Variants in MGAT5 observed in about 807,000 individuals in gnomAD.
MGAT5 encodes alpha-1,6-mannosylglycoprotein 6-beta-N-acetylglucosaminyltransferase.
In MGAT5, 30 loss-of-function variants were observed where a neutral mutation model predicts 94.3. The ratio of observed to expected loss-of-function variants is 0.32; its 90% CI spans 0.24 to 0.43. The LOEUF (loss-of-function observed/expected upper bound fraction) is 0.43, where lower values mean the gene tolerates loss of function less well. MGAT5 is among the 20% of genes least tolerant of loss of function. MGAT5 has a pLI of 1.00. For synonymous variants in MGAT5, 310 were observed against 322.9 expected, an observed-to-expected ratio of 0.96 and a Z score of 0.43; for missense variants, 691 against 905.5, an observed-to-expected ratio of 0.76 and a Z score of 3.04.
chr2:134,346,450 G>A (rs1688929567), intron 8 of MGAT5, among the ~76,000 whole-genome samples: 1 of 152,034 alleles, frequency 6.6e-6, no homozygotes, highest in Non-Finnish European at 1.5e-5. Context: ...GTCTGTTAGT[G>A]CTTTAGCTCT....
At chr2:134,260,702 C>CTTTTT (rs3838494) in intron 1 of MGAT5, among the ~76,000 whole-genome samples, 13 of 127,020 alleles carry the variant, frequency 1.0e-4, no homozygotes, top group South Asian at 2.5e-4. Flanking sequence ...TTTTCTTTTT[C>CTTTTT]TTTTTTTTTT....
chr2:134,390,744 C>G (rs547762022), intron 10 of MGAT5, among the ~76,000 whole-genome samples: 1 of 152,142 alleles, frequency 6.6e-6, no homozygotes, highest in African/African-American at 2.4e-5. Flanking sequence ...CTAACCCTCC[C>G]GCCCCCAAAT....
In MGAT5 at chr2:134,357,905, A is replaced by G. The variant is rs1436120414; in HGVS notation, c.1247-4370A>G. ...AAAAAAAAAAATCAGTTTTTGTAAA[A>G]TTTGAAGCATAACATTACTATGTAT... On this transcript the variant is annotated intron_variant, in intron 9 of 15. Transcript: ENST00000281923. 2.6e-5 allele frequency among the ~76,000 whole-genome samples: 4 copies of G among 152,272 alleles called. No homozygotes were observed. In the South Asian group the frequency reaches 8.3e-4, roughly 32 times the overall value.
At chr2:134,335,517 T>C (rs1688279913) in intron 4 of MGAT5, among the ~76,000 whole-genome samples, 1 of 152,156 alleles carries the variant, frequency 6.6e-6, no homozygotes, top group Admixed American at 6.6e-5. Context: ...TCTTTTTTCC[T>C]TTCTCTTTCC....
upstream of MGAT5, among the ~76,000 whole-genome samples, chr2:134,252,650 C>T (rs192931338): frequency 3.3e-3 from 505 of 152,218 alleles, 1 homozygote; most frequent in African/African-American, 0.011. Context: ...TGGAGAACCA[C>T]TGGTCTAGAA....
chr2:134,386,543 C>T (rs540648185), intron 10 of MGAT5, among the ~76,000 whole-genome samples: 1 of 152,344 alleles, frequency 6.6e-6, no homozygotes, highest in South Asian at 2.1e-4. Flanking sequence ...TTAGTAATTG[C>T]ATCTGCCCTC....
intron 10 of MGAT5, among the ~76,000 whole-genome samples, chr2:134,395,384 A>G (rs930893001): frequency 5.3e-5 from 8 of 152,172 alleles, no homozygotes; most frequent in African/African-American, 1.9e-4. Flanking sequence ...AAGTGCTGGA[A>G]AATAGAGACC....
In MGAT5 at chr2:134,381,394, A is replaced by ATAAGATAAGATAAGATAGAT. The variant is rs1558841846; in HGVS notation, c.1380+18988_1380+18989insAGATAAGATAAGATAGATTA. Among the ~76,000 whole-genome samples the ATAAGATAAGATAAGATAGAT allele has an allele frequency of 1.9e-4, 20 of 107,590 alleles. No individual in the cohort carries two copies. In the East Asian group the frequency reaches 2.3e-3, roughly 12 times the overall value. 70.6% of individuals were successfully genotyped at this position (107,590 alleles called of 152,430 possible). A position where few individuals can be genotyped will look rare whatever the true frequency, so the allele number is the denominator to read the frequency against. On this transcript the variant is annotated intron_variant, in intron 10 of 15. Coordinates refer to ENST00000281923, the MANE Select transcript of MGAT5 (RefSeq NM_002410.5). ...AAGATAAGATAGATTAGATAGATAGATAGATAGATAGATAGATAGATAGAT... is the reference window on the plus strand; with the variant it reads ...AAGATAAGATAGATTAGATAGATAGATAAGATAAGATAAGATAGATTAGATAGATAGATAGATAGATAGAT...
At chr2:134,256,096 C>T (rs992750973) in intron 1 of MGAT5, among the ~76,000 whole-genome samples, 5 of 152,236 alleles carry the variant, frequency 3.3e-5, no homozygotes, top group African/African-American at 4.8e-5. Context: ...TGTCTGTAGG[C>T]ATTGGCTTTT....
At chr2:134,383,998 G>A (rs1681800875) in intron 10 of MGAT5, among the ~76,000 whole-genome samples, 5 of 151,808 alleles carry the variant, frequency 3.3e-5, no homozygotes, top group Admixed American at 3.3e-4. Context: ...TGGTTTTTAT[G>A]TTTTTAAACT....
chr2:134,417,358 GTTT>G (rs1253599155), intron 12 of MGAT5, among the ~76,000 whole-genome samples: 1 of 151,240 alleles, frequency 6.6e-6, no homozygotes, highest in African/African-American at 2.4e-5. Flanking sequence ...GACTTCACCA[GTTT>G]TTCCACCGAG....
At chr2:134,443,864 A>G (rs891217735) in intron 15 of MGAT5, among the ~76,000 whole-genome samples, 1 of 152,162 alleles carries the variant, frequency 6.6e-6, no homozygotes, top group African/African-American at 2.4e-5. Flanking sequence ...CACTTCTGGA[A>G]GAAGAGATAC....
chr2:134,189,607 T>TTTTTTTTTTTTTTTTTTTTTTTTTTTTTG (rs1553490420), intron 1 of MGAT5, among the ~76,000 whole-genome samples: 5 of 80,618 alleles, frequency 6.2e-5, no homozygotes, highest in South Asian at 4.1e-4. Context: ...TTTTTGTTTT[T>TTTTTTTTTTTTTTTTTTTTTTTTTTTTTG]TTTTTTTTTT....
At chr2:134,202,308 C>T (rs1327983616) in intron 1 of MGAT5, among the ~76,000 whole-genome samples, 3 of 152,212 alleles carry the variant, frequency 2.0e-5, no homozygotes, top group Non-Finnish European at 4.4e-5. Flanking sequence ...GGGAGGAGCC[C>T]TTGTGAATGG....
intron 1 of MGAT5, among the ~76,000 whole-genome samples, chr2:134,216,883 C>T (rs1255649580): frequency 6.6e-6 from 1 of 152,120 alleles, no homozygotes; most frequent in Non-Finnish European, 1.5e-5. Flanking sequence ...TAGATTGGCG[C>T]TCTAGTCTGC....
chr2:134,322,937 A>G (rs1443783388), intron 4 of MGAT5, among the ~76,000 whole-genome samples: 1 of 152,184 alleles, frequency 6.6e-6, no homozygotes, highest in Non-Finnish European at 1.5e-5. Context: ...TATGTTTAAC[A>G]TCAGAGCTTT....
intron 1 of MGAT5, among the ~76,000 whole-genome samples, chr2:134,266,035 G>A (rs1683691040): frequency 1.3e-5 from 2 of 151,440 alleles, no homozygotes; most frequent in South Asian, 4.2e-4. Flanking sequence ...GGGTGTGGTG[G>A]CACCTGTAAT....
chr2:134,236,950 T>C (rs1559003259), intron 1 of MGAT5, among the ~76,000 whole-genome samples: 1 of 152,198 alleles, frequency 6.6e-6, no homozygotes, highest in Admixed American at 6.5e-5. Flanking sequence ...TTTTATATAG[T>C]TTTCATCCTG....
intron 9 of MGAT5, among the ~76,000 whole-genome samples, chr2:134,361,304 A>G (rs1195782944): frequency 6.6e-6 from 1 of 152,204 alleles, no homozygotes; most frequent in African/African-American, 2.4e-5. Context: ...TAGCTGTTCT[A>G]TTCAGGTCAG....
Sources: allele counts gnomAD v4.1 joint callset (sites outside exome capture counted in the v4.1 genomes callset), GRCh38; gene constraint gnomAD v4.1.1; transcripts MANE v1.5; gene names NCBI Gene and HGNC (gene_info 2026-07-23, HGNC 2026-07-21).